The following PCDHGA4 variants were observed in gnomAD, a reference collection of about 807,000 sequenced individuals.
PCDHGA4 encodes the protein protocadherin gamma subfamily A, 4, also known as protocadherin gamma-A4.
Under a neutral mutation model 54.6 loss-of-function variants are expected in PCDHGA4, and 38 were observed. The observed-to-expected ratio is 0.70, with a 90% CI of 0.54 to 0.91. The LOEUF (loss-of-function observed/expected upper bound fraction) is 0.91, where lower values mean the gene tolerates loss of function less well. PCDHGA4 is among the 40% of genes least tolerant of loss of function. The pLI, the probability that PCDHGA4 is intolerant of heterozygous loss-of-function variation, is 0.00. For synonymous variants in PCDHGA4, 511 were observed against 512.9 expected (o/e 1.00, Z 0.05); for missense variants, 1,298 against 1,220.9 (o/e 1.06, Z -0.94).
At position 141,375,804 on chromosome 5, in the gene PCDHGA4, G is replaced by A. The variant is rs375695435; in HGVS notation, c.2514+18183G>A. 1,032 of 1,614,192 alleles carry A rather than the reference G, an allele frequency of 6.4e-4. 20 individuals carry two copies. In the South Asian group the frequency reaches 0.011, roughly 17 times the overall value. ...GCCCTCCCCACAGACGGTTCCACTG[G>A]CGTGGAGCTGGCGCCCCGCTCCGCA... On this transcript the variant is annotated intron_variant, in intron 1 of 3. Coordinates refer to ENST00000571252, the MANE Select transcript of PCDHGA4 (RefSeq NM_018917.4).
At chr5:141,392,676 C>T in intron 1 of PCDHGA4, 1 of 917,280 alleles carries the variant, frequency 1.1e-6, no homozygotes, top group East Asian at 2.7e-5. Context: ...AACTGCTGGA[C>T]TGCAGCGAAA....
chr5:141,430,255 T>TC (rs11167746), intron 1 of PCDHGA4, among the ~76,000 whole-genome samples: 81,857 of 151,872 alleles, frequency 0.54, 24,107 homozygotes, highest in African/African-American at 0.79. Flanking sequence ...GGGAGACATC[T>TC]CCATAATAGG....
intron 1 of PCDHGA4, chr5:141,387,603 C>G (rs905416609): frequency 1.8e-6 from 1 of 544,680 alleles, no homozygotes; most frequent in African/African-American, 1.9e-5. Context: ...GCAGCAGAGG[C>G]TGTAGTTTCC....
intron 1 of PCDHGA4, among the ~76,000 whole-genome samples, chr5:141,469,162 G>A (rs2099192596): frequency 6.6e-6 from 1 of 152,062 alleles, no homozygotes; most frequent in Admixed American, 6.6e-5. Flanking sequence ...TGTAGTCCCA[G>A]CTACTTGGGA....
At chr5:141,392,903 G>A in intron 1 of PCDHGA4, 1 of 1,613,884 alleles carries the variant, frequency 6.2e-7, no homozygotes, top group South Asian at 1.1e-5. Flanking sequence ...GGAGGGGACA[G>A]ATTCGCTACT....
In PCDHGA4 at chr5:141,356,235, A is replaced by G. The variant is rs1479657610; in HGVS notation, c.1128A>G (p.Pro376=). The G allele has an allele frequency of 1.9e-6, 3 of 1,587,502 alleles. No individual in the cohort carries two copies. Among genetic ancestry groups the G allele is most frequent in the African/African-American group, 1.3e-5 (1 of 74,388 alleles). Residue 376 remains proline, a synonymous_variant, in exon 1 of 4, where the codon CCA becomes CCG. Transcript: ENST00000571252. ...TTCTGGATGAAAATGACAACGCACC[A>G]GAAGTCACAGTTACATCTCTCACCA... ...VTVLDENDNA[P]EVTVTSLTSS...
intron 1 of PCDHGA4, chr5:141,422,543 T>A: frequency 3.1e-6 from 5 of 1,614,000 alleles, no homozygotes; most frequent in Non-Finnish European, 4.2e-6. Flanking sequence ...GAAACTCATG[T>A]CTGGCTGAAT....
chr5:141,500,104 T>C (rs917633032), intron 2 of PCDHGA4, among the ~76,000 whole-genome samples: 1 of 152,124 alleles, frequency 6.6e-6, no homozygotes, highest in Non-Finnish European at 1.5e-5. Context: ...AATTTATTTG[T>C]TGAATCCCTG....
intron 1 of PCDHGA4, chr5:141,409,203 T>C: frequency 1.2e-6 from 2 of 1,613,964 alleles, no homozygotes; most frequent in Non-Finnish European, 1.7e-6. Flanking sequence ...TGTAAAGTAA[T>C]CATAGAAATC....
intron 1 of PCDHGA4, chr5:141,428,156 C>A: frequency 6.3e-7 from 1 of 1,579,884 alleles, no homozygotes; most frequent in Non-Finnish European, 8.6e-7. Context: ...CGGGAACCTG[C>A]TGGTTGCTGT....
intron 1 of PCDHGA4, among the ~76,000 whole-genome samples, chr5:141,460,104 T>C (rs2098982178): frequency 6.6e-6 from 1 of 151,986 alleles, no homozygotes; most frequent in African/African-American, 2.4e-5. Flanking sequence ...CATGTAATTA[T>C]ATATGATTTT....
intron 1 of PCDHGA4, among the ~76,000 whole-genome samples, chr5:141,430,366 A>G (rs551419486): frequency 3.3e-5 from 5 of 150,370 alleles, no homozygotes; most frequent in Admixed American, 6.7e-5. Context: ...CTCATTGGGG[A>G]AAAAAAAGCT....
At chr5:141,434,136 TC>T (rs2097674430) in intron 1 of PCDHGA4, among the ~76,000 whole-genome samples, 1 of 152,246 alleles carries the variant, frequency 6.6e-6, no homozygotes, top group Non-Finnish European at 1.5e-5. Context: ...TAGGCTGATT[TC>T]TATGTCCTTT....
At chr5:141,365,771 A>T in intron 1 of PCDHGA4, 1 of 1,613,880 alleles carries the variant, frequency 6.2e-7, no homozygotes, top group South Asian at 1.1e-5. Context: ...TGACCCCGAC[A>T]GCGGCGACAA....
In PCDHGA4 at chr5:141,422,312, C is replaced by T; in HGVS notation, c.2514+64691C>T. On this transcript the variant is annotated intron_variant, in intron 1 of 3. Coordinates refer to ENST00000571252, the MANE Select transcript of PCDHGA4 (RefSeq NM_018917.4). ...ATTAATTCAATTCTGGAAAACTCTC[C>T]TCCAGGTACAGTGATTGCTCTTCTA... The T allele has an allele frequency of 1.9e-6, 3 of 1,547,444 alleles. No individual in the cohort carries two copies. Among genetic ancestry groups the T allele is most frequent in the Non-Finnish European group, 1.7e-6 (2 of 1,153,976 alleles).
intron 1 of PCDHGA4, chr5:141,408,948 T>C (rs768951087): frequency 6.2e-7 from 1 of 1,613,478 alleles, no homozygotes; most frequent in Non-Finnish European, 8.5e-7. Context: ...GAATATAGAA[T>C]TAGTCTTAGT....
At chr5:141,374,121 A>G in intron 1 of PCDHGA4, 53 of 1,590,920 alleles carry the variant, frequency 3.3e-5, no homozygotes, top group Non-Finnish European at 4.5e-5. Context: ...CGCAGCGAGC[A>G]GGTCCTGCTC....
At chr5:141,506,247 G>A (rs113270457) in intron 3 of PCDHGA4, among the ~76,000 whole-genome samples, 8,033 of 152,078 alleles carry the variant, frequency 0.053, 470 homozygotes, top group African/African-American at 0.14. Flanking sequence ...TCAGGAGTTC[G>A]AAACCGGCCT....
In PCDHGA4 at chr5:141,410,525, T is replaced by G. The variant is rs6891442; in HGVS notation, c.2514+52904T>G. The G allele has an allele frequency of 1.9e-3, 3,112 of 1,613,920 alleles. 62 individuals are homozygous for G. In the African/African-American group the frequency reaches 0.034, roughly 18 times the overall value. On this transcript the variant is annotated intron_variant, in intron 1 of 3. Transcript: ENST00000571252. ...CCTAAAATGCAGTGTGCCCCTACAT[T>G]CCAATGAAGACATGGTTTGCAGTGT...
Sources: gnomAD v4.1 joint callset for allele counts (sites outside exome capture counted in the v4.1 genomes callset) on GRCh38, gnomAD v4.1.1 for gene constraint, MANE v1.5 for transcripts, NCBI Gene and HGNC (gene_info 2026-07-23, HGNC 2026-07-21) for gene names.